The following MDN1 variants were observed in gnomAD, a reference collection of about 807,000 sequenced individuals.
MDN1 encodes midasin.
Under a neutral mutation model 669.2 loss-of-function variants are expected in MDN1, and 266 were observed. The ratio of observed to expected loss-of-function variants is 0.40; its 90% CI spans 0.36 to 0.44. The LOEUF (loss-of-function observed/expected upper bound fraction) is 0.44, where lower values mean the gene tolerates loss of function less well. Among genes scored for constraint, MDN1 ranks in the 20% least tolerant of loss-of-function variants. MDN1 has a pLI of 1.00. For synonymous variants in MDN1, 2,385 were observed against 2,457.1 expected (o/e 0.97, Z 0.87); for missense variants, 5,940 against 6,754.0 (o/e 0.88, Z 4.22).
Position 89,764,802 on chromosome 6 carries a change from G to T in MDN1, c.2145-2272C>A, listed in dbSNP as rs1817722410. ...CAGGGGAAGGTGAGAGATGATATCA[G>T]AGAAGTACCACTGTCAGATTATGAA... On this transcript the variant is annotated intron_variant, in intron 15 of 101. Coordinates refer to ENST00000369393, the MANE Select transcript of MDN1 (RefSeq NM_014611.3). 2.6e-5 allele frequency among the ~76,000 whole-genome samples: 4 copies of T among 152,188 alleles called. No homozygotes were observed. The South Asian group carries it at 8.3e-4, about 31-fold the overall frequency.
In MDN1 at chr6:89,687,803, C is replaced by T. The variant is rs775409706; in HGVS notation, c.11355+275G>A. ...GAGGGGAACCGTGTATGTGGGCACT[C>T]AGTTGGAATGAAGGCCCACCTGGAA... On this transcript the variant is annotated intron_variant, in intron 67 of 101. Transcript: ENST00000369393. 6.6e-5 allele frequency among the ~76,000 whole-genome samples: 10 copies of T among 152,262 alleles called. 1 individual carries two copies. In the South Asian group the frequency reaches 1.0e-3, roughly 16 times the overall value.
Position 89,732,709 on chromosome 6 carries a change from T to C in MDN1, c.4790A>G (p.Lys1597Arg), listed in dbSNP as rs901008508. ...DWLTHQEFGRKCVVSIRDILS... is the reference protein window; with the variant it reads ...DWLTHQEFGRRCVVSIRDILS... ...GATATCTCTGATACTGACCACACAC[T>C]TTCTGCCAAACTCTTGGTGGGTCAG... is the stretch of plus-strand genomic sequence containing the variant. The change falls in exon 34 of 102, where the codon AAG becomes AGG. Residue 1597 changes from lysine (K) to arginine (R), a missense_variant. This residue lies in a region of MDN1 where 2,292 missense variants were observed against 2,638.3 expected (regional missense o/e 0.87). Coordinates refer to ENST00000369393, the MANE Select transcript of MDN1 (RefSeq NM_014611.3). 8 of 1,613,884 alleles carry C rather than the reference T, an allele frequency of 5.0e-6. No individual in the cohort carries two copies. Among genetic ancestry groups the C allele is most frequent in the Middle Eastern group, 1.6e-4 (1 of 6,084 alleles).
At chr6:89,788,473 G>C (rs1322094037) in intron 7 of MDN1, among the ~76,000 whole-genome samples, 1 of 152,138 alleles carries the variant, frequency 6.6e-6, no homozygotes, top group Non-Finnish European at 1.5e-5. Flanking sequence ...GTATGCAAGT[G>C]TATTTTTAAA....
At position 89,749,638 on chromosome 6, in the gene MDN1, A is replaced by G; in HGVS notation, c.3520T>C (p.Leu1174=). The G allele has an allele frequency of 6.2e-7, 1 of 1,614,156 alleles. No homozygotes were observed. The highest frequency in any genetic ancestry group is 8.5e-7 in the Non-Finnish European group (1 of 1,180,014). The part of the protein sequence containing the change: ...LNRLLDDNRE[L]LVTETQEVVK... ...ACTTCCTGTGTTTCTGTTACTAGCAATTCACGGTTATCATCCAACAGCCTA... is the reference window on the plus strand; with the variant it reads ...ACTTCCTGTGTTTCTGTTACTAGCAGTTCACGGTTATCATCCAACAGCCTA... The change falls in exon 25 of 102, where the codon TTG becomes CTG. Residue 1174 remains leucine (L), a synonymous_variant. Transcript: ENST00000369393.
At chr6:89,656,033 T>C (rs758678567) in intron 91 of MDN1, 65 bp from the exon 92 acceptor site, 15 of 1,426,570 alleles carry the variant, frequency 1.1e-5, no homozygotes, top group African/African-American at 2.8e-5. Context: ...AAAGTAAACA[T>C]AATATCCATC....
rs373980391 is a variant in MDN1, at chr6:89,790,228, A to G, written c.1029T>C (p.Ala343=). Residue 343 remains alanine, a synonymous_variant, in exon 6 of 102, where the codon GCT becomes GCC. Transcript: ENST00000369393. Reference sequence around the variant, plus strand: ...GAGGCTTTGTTCTACCTGTCACTGCAGCTAAATATTCAACTAAGGAAGTTT... The same window carrying G: ...GAGGCTTTGTTCTACCTGTCACTGCGGCTAAATATTCAACTAAGGAAGTTT... The part of the protein sequence containing the change: ...CGKTSLVEYL[A]AVTGRTKPPQ... The G allele has an allele frequency of 2.0e-5, 32 of 1,614,074 alleles. No homozygotes were observed. Among genetic ancestry groups the G allele is most frequent in the Non-Finnish European group, 2.5e-5 (30 of 1,180,032 alleles).
At chr6:89,748,766 C>T (rs1816797833) in intron 26 of MDN1, among the ~76,000 whole-genome samples, 1 of 151,712 alleles carries the variant, frequency 6.6e-6, no homozygotes, top group Non-Finnish European at 1.5e-5. Context: ...ATTTAAAAGA[C>T]CTCTACTTGA....
In MDN1 at chr6:89,794,191, G is replaced by A. The variant is rs745838135; in HGVS notation, c.571C>T (p.Leu191Phe). The change falls in exon 4 of 102, where the codon CTT becomes TTT. Residue 191 changes from leucine (L) to phenylalanine (F), a missense_variant. Leu to Phe is a conservative substitution (Grantham distance 22). Transcript: ENST00000369393. ...TLVRWYTANC[L>F]ALVTCMNEEH... The stretch of plus-strand genomic sequence containing the variant: ...TCATTCATACAGGTAACCAAAGCAA[G>A]ACAATTGGCTGTATACCTAGGGAAA... The A allele has an allele frequency of 6.3e-7, 1 of 1,589,970 alleles. No homozygotes were observed. The highest frequency in any genetic ancestry group is 8.5e-7 in the Non-Finnish European group (1 of 1,169,844).
At chr6:89,807,569 GT>G (rs777006184) in intron 1 of MDN1, among the ~76,000 whole-genome samples, 33 of 152,226 alleles carry the variant, frequency 2.2e-4, no homozygotes, top group Non-Finnish European at 4.6e-4. Context: ...GTGGTTTTGT[GT>G]TTATCAGATT....
intron 40 of MDN1, among the ~76,000 whole-genome samples, chr6:89,719,591 C>T (rs967734018): frequency 6.6e-6 from 1 of 152,102 alleles, no homozygotes; most frequent in Non-Finnish European, 1.5e-5. Context: ...AACAGTAATA[C>T]GAAGATTATA....
At chr6:89,717,765 C>A (rs1164546621) in intron 43 of MDN1, among the ~76,000 whole-genome samples, 1 of 152,146 alleles carries the variant, frequency 6.6e-6, no homozygotes, top group Non-Finnish European at 1.5e-5. Context: ...AGTGGGATGT[C>A]TGATTTCTTC....
At chr6:89,652,918 T>TA in intron 94 of MDN1, 74 bp downstream of exon 94, 1 of 1,463,586 alleles carries the variant, frequency 6.8e-7, no homozygotes, top group East Asian at 2.4e-5. Context: ...GACAAAGATT[T>TA]AAAACCAGTT....
intron 83 of MDN1, among the ~76,000 whole-genome samples, chr6:89,670,146 A>G (rs1810563667): frequency 3.3e-5 from 1 of 30,178 alleles, no homozygotes; most frequent in Non-Finnish European, 4.9e-5. Flanking sequence ...AAACATATAT[A>G]TATATATATA....
At chr6:89,780,131 C>A in intron 11 of MDN1, 81 bp downstream of exon 11, 4 of 742,792 alleles carry the variant, frequency 5.4e-6, no homozygotes, top group South Asian at 2.2e-5. Context: ...AGTCTGATGG[C>A]AATCAAAAGA....
Position 89,729,029 on chromosome 6 carries a change from G to A in MDN1, c.5251C>T (p.Leu1751=). The A allele has an allele frequency of 6.2e-7, 1 of 1,614,142 alleles. No homozygotes were observed. The highest frequency in any genetic ancestry group is 8.5e-7 in the Non-Finnish European group (1 of 1,180,010). The part of the protein sequence containing the change: ...RATKLKKPIL[L]EGSPGVGKTS... ...TTGCCAACACCAGGGGAACCCTCCAGGAGAATGGGCTTCTTCAGTTTGGTA... is the reference window on the plus strand; with the variant it reads ...TTGCCAACACCAGGGGAACCCTCCAAGAGAATGGGCTTCTTCAGTTTGGTA... The change falls in exon 36 of 102, where the codon CTG becomes TTG. Residue 1751 remains leucine, a synonymous_variant. Coordinates refer to ENST00000369393, the MANE Select transcript of MDN1 (RefSeq NM_014611.3).
chr6:89,728,353 T>G (rs1258165886), intron 36 of MDN1, among the ~76,000 whole-genome samples: 2 of 152,170 alleles, frequency 1.3e-5, no homozygotes, highest in African/African-American at 4.8e-5. Context: ...AAAAAAAAAT[T>G]TAAGCAAAAA....
chr6:89,690,234 A>C, intron 64 of MDN1, 91 bp from the exon 65 acceptor site: 2 of 1,381,294 alleles, frequency 1.4e-6, no homozygotes, highest in Non-Finnish European at 2.0e-6. Flanking sequence ...CATAAGAATG[A>C]CTGAAAAAAT....
intron 1 of MDN1, among the ~76,000 whole-genome samples, chr6:89,816,005 T>C (rs894061171): frequency 2.0e-5 from 3 of 152,206 alleles, no homozygotes; most frequent in East Asian, 1.9e-4. Context: ...TTCTGCCCTT[T>C]GTAAATTATT....
At chr6:89,796,383 A>G (rs1249651972) in intron 2 of MDN1, among the ~76,000 whole-genome samples, 1 of 151,554 alleles carries the variant, frequency 6.6e-6, no homozygotes, top group African/African-American at 2.4e-5. Context: ...TGAACATTAT[A>G]AAGAAATGGA....
Sources: gnomAD v4.1 joint callset for allele counts (sites outside exome capture counted in the v4.1 genomes callset) on GRCh38, gnomAD v4.1.1 for gene constraint, gnomAD v4.1.1 regional missense constraint, MANE v1.5 for transcripts, NCBI Gene and HGNC (gene_info 2026-07-23, HGNC 2026-07-21) for gene names.